The following PRDM2 variants were observed in gnomAD, a reference collection of about 807,000 sequenced individuals.
PRDM2 encodes PR domain zinc finger protein 2.
Under a neutral mutation model 130.0 loss-of-function variants are expected in PRDM2, and 30 were observed. The ratio of observed to expected loss-of-function variants is 0.23; its 90% confidence interval spans 0.17 to 0.31. PRDM2 has a LOEUF of 0.31. Among genes scored for constraint, PRDM2 ranks in the 10% least tolerant of loss-of-function variants. The pLI is 1.00. For synonymous variants in PRDM2, 871 were observed against 782.4 expected, an observed-to-expected ratio of 1.11 and a Z score of -1.89; for missense variants, 2,011 against 2,108.4, an observed-to-expected ratio of 0.95 and a Z score of 0.90.
intron 3 of PRDM2, among the ~76,000 whole-genome samples, chr1:13,731,998 T>C (rs1643126826): frequency 6.6e-6 from 1 of 152,296 alleles, no homozygotes; most frequent in East Asian, 1.9e-4. Context: ...CCTAGCAGGA[T>C]AGGACTGGCC....
intron 6 of PRDM2, among the ~76,000 whole-genome samples, chr1:13,762,384 G>T (rs1194624388): frequency 1.3e-5 from 2 of 152,234 alleles, no homozygotes; most frequent in Non-Finnish European, 2.9e-5. Flanking sequence ...TGGGGAAGGG[G>T]ACAAGAGCCT....
chr1:13,712,918 C>A (rs559495713), intron 1 of PRDM2, among the ~76,000 whole-genome samples: 1 of 152,202 alleles, frequency 6.6e-6, no homozygotes, highest in East Asian at 1.9e-4. Context: ...CCTCTTCATG[C>A]GCCCCTCACC....
intron 8 of PRDM2, among the ~76,000 whole-genome samples, chr1:13,815,635 GAGA>G (rs1331694991): frequency 1.3e-5 from 2 of 152,200 alleles, no homozygotes; most frequent in African/African-American, 4.8e-5. Flanking sequence ...GGCTATGAAA[GAGA>G]AGTACGAGTT....
At position 13,731,134 on chromosome 1, in the gene PRDM2, T is replaced by A. The variant is rs77672642; in HGVS notation, c.127+17T>A. 2.3e-4 allele frequency: 362 copies of A among 1,595,442 alleles called. 4 individuals are homozygous for A. In the East Asian group the frequency reaches 7.4e-3, roughly 33 times the overall value. On this transcript the variant is annotated intron_variant, in intron 3 of 9. Transcript: ENST00000311066. ...CCCGGATTGGTGAGTGCTCCTCCTGTCACGGAGCAAGTCAGGCAGTAAAGA... is the reference window on the plus strand; with the variant it reads ...CCCGGATTGGTGAGTGCTCCTCCTGACACGGAGCAAGTCAGGCAGTAAAGA...
chr1:13,752,809 C>CT (rs745510032), intron 6 of PRDM2, among the ~76,000 whole-genome samples: 18 of 152,180 alleles, frequency 1.2e-4, no homozygotes, highest in Non-Finnish European at 2.2e-4. Flanking sequence ...TCTTGGACAG[C>CT]TCATGTCACC....
intron 5 of PRDM2, 112 bp from the exon 6 acceptor site, chr1:13,749,249 C>T: frequency 1.9e-6 from 2 of 1,045,254 alleles, no homozygotes; most frequent in Admixed American, 5.1e-5. Context: ...GCGGCGCCGC[C>T]GACAGCTGTT....
intron 2 of PRDM2, among the ~76,000 whole-genome samples, chr1:13,724,423 T>C (rs918482640): frequency 6.6e-6 from 1 of 152,096 alleles, no homozygotes; most frequent in Non-Finnish European, 1.5e-5. Context: ...TCCCTAACTT[T>C]GCATACTTGA....
intron 7 of PRDM2, among the ~76,000 whole-genome samples, chr1:13,774,988 A>C (rs936977120): frequency 1.3e-5 from 2 of 152,092 alleles, no homozygotes; most frequent in Non-Finnish European, 2.9e-5. Flanking sequence ...AAAAAAGAAA[A>C]ATGACACTTG....
chr1:13,781,517 A>G lies in PRDM2; in HGVS notation c.3722A>G (p.His1241Arg), dbSNP rs747534050. Residue 1241 changes from histidine (H) to arginine (R), a missense_variant, in exon 8 of 10, where the codon CAT (histidine) becomes CGT (arginine). Transcript: ENST00000311066. This position sits in a 1 kb window ranked among gnomAD's most constrained non-coding sequence, Gnocchi z 6.1. Reference sequence around the variant, plus strand: ...AACTTTACAGATCCCAGCAAGGCCCATGTAGAGCATATGCAGAGCTTGCCA... The same window carrying G: ...AACTTTACAGATCCCAGCAAGGCCCGTGTAGAGCATATGCAGAGCTTGCCA... ...PQNFTDPSKA[H>R]VEHMQSLPED... 3 of 1,612,920 alleles carry G rather than the reference A, an allele frequency of 1.9e-6. No homozygotes were observed. The highest frequency in any genetic ancestry group is 2.2e-5 in the East Asian group (1 of 44,880).
Position 13,779,025 on chromosome 1 carries a change from G to T in PRDM2, c.1230G>T (p.Arg410=). The T allele has an allele frequency of 6.2e-7, 1 of 1,614,152 alleles. No individual in the cohort carries two copies. The highest frequency in any genetic ancestry group is 1.1e-5 in the South Asian group (1 of 91,072). The change falls in exon 8 of 10, where the codon CGG becomes CGT. Residue 410 remains arginine, a synonymous_variant. Coordinates refer to ENST00000311066, the MANE Select transcript of PRDM2 (RefSeq NM_001393986.1). This position sits in a 1 kb window ranked among gnomAD's most constrained non-coding sequence, Gnocchi z 4.9. ...AGATTAACCGGCGGCGACATGAGCG[G>T]CGCCATGAAGCAGGGTTAAAGCGGA... ...GTQINRRRHE[R]RHEAGLKRKP...
In PRDM2 at chr1:13,779,163, G is replaced by A; in HGVS notation, c.1368G>A (p.Leu456=). The change falls in exon 8 of 10, where the codon CTG becomes CTA. Residue 456 remains leucine, a synonymous_variant. Coordinates refer to ENST00000311066, the MANE Select transcript of PRDM2 (RefSeq NM_001393986.1). The surrounding 1 kb of genome is among the most constrained non-coding windows in gnomAD (Gnocchi z 4.9). ...SSPPSLGPDC[L]IMNSEKASQD... is the part of the protein sequence containing the mutation. ...CTCCCAGTCTTGGGCCAGACTGTCTGATCATGAATTCAGAGAAGGCTTCCC... is the reference window on the plus strand; with the variant it reads ...CTCCCAGTCTTGGGCCAGACTGTCTAATCATGAATTCAGAGAAGGCTTCCC... 6.2e-7 allele frequency: 1 copy of A among 1,614,190 alleles called. No individual in the cohort carries two copies. The highest frequency in any genetic ancestry group is 1.7e-5 in the Admixed American group (1 of 60,026).
rs368195004 is a variant in PRDM2, at chr1:13,778,955, A to G, written c.1160A>G (p.Asn387Ser). The change falls in exon 8 of 10, where the codon AAT becomes AGT. Residue 387 changes from asparagine (N) to serine (S), a missense_variant. Asn to Ser is a conservative substitution (Grantham distance 46). Transcript: ENST00000311066. ...ATGCATATCCATATATCCACCGTCA[A>G]TCATGCTTTCAAATGCAAGTACTGT... Reference protein sequence around the residue: ...RHMHIHISTVNHAFKCKYCGK... With the variant: ...RHMHIHISTVSHAFKCKYCGK... 48 of 1,614,254 alleles carry G rather than the reference A, an allele frequency of 3.0e-5. No homozygotes were observed. Among genetic ancestry groups the G allele is most frequent in the Non-Finnish European group, 3.8e-5 (45 of 1,180,042 alleles).
rs999298571 is a variant in PRDM2, at chr1:13,815,073, A to G, written c.5037-1354A>G. Among the ~76,000 whole-genome samples the G allele has an allele frequency of 2.4e-4, 37 of 152,168 alleles. 1 individual carries two copies. Among genetic ancestry groups the G allele is most frequent in the Non-Finnish European group, 2.9e-5 (2 of 68,024 alleles). On this transcript the variant is annotated intron_variant, in intron 8 of 9. Coordinates refer to ENST00000311066, the MANE Select transcript of PRDM2 (RefSeq NM_001393986.1). Reference sequence around the variant, plus strand: ...AGTTCTGGACATGCAGTGAGCCTGTATGTATCACTCTTACTCAGTGGATGT... The same window carrying G: ...AGTTCTGGACATGCAGTGAGCCTGTGTGTATCACTCTTACTCAGTGGATGT...
intron 8 of PRDM2, among the ~76,000 whole-genome samples, chr1:13,808,455 CTCTG>C (rs1645119662): frequency 7.2e-6 from 1 of 138,066 alleles, no homozygotes; most frequent in Admixed American, 7.4e-5. Flanking sequence ...CAGAGTGAGA[CTCTG>C]TCTCAAAAAA....
At chr1:13,730,930 GAA>G (rs35643856) in intron 2 of PRDM2, 68 bp from the exon 3 acceptor site, 169 of 966,472 alleles carry the variant, frequency 1.7e-4, no homozygotes, top group South Asian at 3.8e-4. Flanking sequence ...TATTGAACCA[GAA>G]AAAAAAAAAA....
chr1:13,716,844 A>G (rs1425249392), intron 2 of PRDM2, among the ~76,000 whole-genome samples: 2 of 152,222 alleles, frequency 1.3e-5, no homozygotes, highest in African/African-American at 4.8e-5. Context: ...GACAAAACCC[A>G]AAATATGAAG....
chr1:13,747,291 T>G (rs1365628983), intron 5 of PRDM2, among the ~76,000 whole-genome samples: 1 of 152,254 alleles, frequency 6.6e-6, no homozygotes, highest in Non-Finnish European at 1.5e-5. Context: ...TCATTTCAAA[T>G]ATTAGTTGAT....
At chr1:13,783,417 G>A (rs968856866) in intron 8 of PRDM2, among the ~76,000 whole-genome samples, 8 of 152,138 alleles carry the variant, frequency 5.3e-5, no homozygotes, top group African/African-American at 1.2e-4. Context: ...GCCGTAGGAC[G>A]GTAAACAAGT....
At chr1:13,715,738 C>T in intron 2 of PRDM2, 124 bp downstream of exon 2, 1 of 819,978 alleles carries the variant, frequency 1.2e-6, no homozygotes, top group Non-Finnish European at 1.9e-6. Flanking sequence ...TTCTTAATAC[C>T]ATTAATTAGT....
Sources: gnomAD v4.1 joint callset for allele counts (sites outside exome capture counted in the v4.1 genomes callset) on GRCh38, gnomAD v4.1.1 for gene constraint, Gnocchi (gnomAD v3.1) non-coding constraint, MANE v1.5 for transcripts, NCBI Gene and HGNC (gene_info 2026-07-23, HGNC 2026-07-21) for gene names.